The following MYO3B variants were observed in gnomAD, a reference collection of about 807,000 sequenced individuals.
MYO3B encodes myosin IIIB, also known as myosin-IIIb.
Under a neutral mutation model 174.6 loss-of-function variants are expected in MYO3B, and 156 were observed. The ratio of observed to expected loss-of-function variants is 0.89; its 90% CI spans 0.78 to 1.02. MYO3B has a LOEUF of 1.02. Ranked by LOEUF, MYO3B falls within the 50% of genes least tolerant of loss-of-function variation. The pLI is 0.00. For missense variants in MYO3B, 1,632 were observed against 1,639.4 expected, an observed-to-expected ratio of 1.00 and a Z score of 0.08; for synonymous variants, 563 against 569.1, an observed-to-expected ratio of 0.99 and a Z score of 0.15.
chr2:170,332,745 C>CT (rs2093920679), intron 7 of MYO3B, among the ~76,000 whole-genome samples: 1 of 152,064 alleles, frequency 6.6e-6, no homozygotes, highest in Non-Finnish European at 1.5e-5. Context: ...TGGTGGTGAC[C>CT]TGGGTGAGTG....
intron 32 of MYO3B, among the ~76,000 whole-genome samples, chr2:170,630,654 G>A (rs982096125): frequency 5.9e-5 from 9 of 152,162 alleles, no homozygotes; most frequent in Admixed American, 3.3e-4. Flanking sequence ...AGTAGAGGCC[G>A]ACTGACACCT....
At position 170,445,618 on chromosome 2, in the gene MYO3B, G is replaced by A. The variant is rs550600934; in HGVS notation, c.2730+1572G>A. On this transcript the variant is annotated intron_variant, in intron 23 of 34. Transcript: ENST00000408978. ...GGCCTCCCCAAGTGCTGGATTACAG[G>A]CGCTCGCCACCACACCTGGCCCATT... Among the ~76,000 whole-genome samples the A allele has an allele frequency of 2.6e-5, 4 of 151,504 alleles. No individual in the cohort carries two copies. The South Asian group carries it at 6.3e-4, about 24-fold the overall frequency.
chr2:170,251,003 A>C (rs941216960), intron 7 of MYO3B, among the ~76,000 whole-genome samples: 1 of 151,814 alleles, frequency 6.6e-6, no homozygotes, highest in African/African-American at 2.4e-5. Context: ...CCAAAAAGCA[A>C]CTTTTTGGGG....
At chr2:170,238,044 A>G (rs993658072) in intron 7 of MYO3B, among the ~76,000 whole-genome samples, 4 of 152,198 alleles carry the variant, frequency 2.6e-5, no homozygotes, top group African/African-American at 4.8e-5. Context: ...ATTTACGTAC[A>G]TTGTACAGCT....
At chr2:170,649,262 A>T (rs1344170696) in intron 32 of MYO3B, among the ~76,000 whole-genome samples, 16 of 38,076 alleles carry the variant, frequency 4.2e-4, no homozygotes, top group African/African-American at 2.2e-3. Context: ...AATAATATAT[A>T]ATATATTATA....
intron 30 of MYO3B, among the ~76,000 whole-genome samples, chr2:170,526,249 A>G (rs374113722): frequency 6.4e-4 from 98 of 152,324 alleles, no homozygotes; most frequent in African/African-American, 2.2e-3. Context: ...AGATAATCAA[A>G]GCAAAGGAAC....
chr2:170,462,808 A>C (rs1325610166), intron 23 of MYO3B, among the ~76,000 whole-genome samples: 1 of 152,252 alleles, frequency 6.6e-6, no homozygotes, highest in Non-Finnish European at 1.5e-5. Flanking sequence ...TAGTTGGGAT[A>C]GATATTGAGA....
intron 29 of MYO3B, 96 bp downstream of exon 29, chr2:170,515,118 C>T: frequency 1.0e-6 from 1 of 982,148 alleles, no homozygotes; most frequent in Non-Finnish European, 1.5e-6. Flanking sequence ...ATATAAGAAC[C>T]TTCTGTCCAC....
intron 14 of MYO3B, among the ~76,000 whole-genome samples, chr2:170,390,467 A>G (rs2105763548): frequency 6.6e-6 from 1 of 152,356 alleles, no homozygotes; most frequent in East Asian, 1.9e-4. Flanking sequence ...GTGAGTGAGA[A>G]ATGGCAAGTA....
rs536270970 is a variant in MYO3B, at chr2:170,550,976, G to A, written c.3733+6988G>A. On this transcript the variant is annotated intron_variant, in intron 32 of 34. Transcript: ENST00000408978. Reference sequence around the variant, plus strand: ...TGCGGTGGCATGATCTCACCTCACTGCAACCTCTGCCTCCTGGATTCAAGC... The same window carrying A: ...TGCGGTGGCATGATCTCACCTCACTACAACCTCTGCCTCCTGGATTCAAGC... Among the ~76,000 whole-genome samples the A allele has an allele frequency of 2.0e-5, 3 of 152,252 alleles. No homozygotes were observed. In the South Asian group the frequency reaches 6.2e-4, roughly 32 times the overall value.
intron 32 of MYO3B, chr2:170,601,575 T>A (rs1694511177): frequency 2.9e-6 from 3 of 1,044,674 alleles, no homozygotes; most frequent in Non-Finnish European, 4.4e-6. Context: ...GTTAAATGCT[T>A]TATAGACAAG....
intron 8 of MYO3B, among the ~76,000 whole-genome samples, chr2:170,342,988 T>A (rs984320954): frequency 7.2e-5 from 11 of 151,940 alleles, no homozygotes; most frequent in African/African-American, 2.7e-4. Context: ...ACTGTCTCTT[T>A]ATTTAGACTT....
intron 7 of MYO3B, among the ~76,000 whole-genome samples, chr2:170,261,212 C>T (rs543800788): frequency 7.9e-5 from 12 of 151,884 alleles, no homozygotes; most frequent in Non-Finnish European, 1.0e-4. Flanking sequence ...TTAGTAGAGA[C>T]GGGGTTTCTC....
chr2:170,626,752 G>A lies in MYO3B; in HGVS notation c.3734-24876G>A, dbSNP rs182085125. ...TTGTAGGGCAGGCCTGGTGGTGACA[G>A]AATCTCTCAGCATTTGCTTGTCTGT... On this transcript the variant is annotated intron_variant, in intron 32 of 34. Coordinates refer to ENST00000408978, the MANE Select transcript of MYO3B (RefSeq NM_138995.5). Among the ~76,000 whole-genome samples, 756 of 152,244 alleles carry A rather than the reference G, an allele frequency of 5.0e-3. 11 individuals carry two copies. The highest frequency in any genetic ancestry group is 0.017 in the African/African-American group (721 of 41,544).
At chr2:170,649,310 TTATA>T (rs1698781819) in intron 32 of MYO3B, among the ~76,000 whole-genome samples, 1 of 90,546 alleles carries the variant, frequency 1.1e-5, no homozygotes, top group Non-Finnish European at 2.0e-5. Context: ...ATAATATATA[TTATA>T]TATAAAATAA....
intron 25 of MYO3B, among the ~76,000 whole-genome samples, chr2:170,481,686 TGTGA>T (rs1258953056): frequency 6.6e-6 from 1 of 152,136 alleles, no homozygotes; most frequent in East Asian, 1.9e-4. Flanking sequence ...GCTTCAACAT[TGTGA>T]GTAAAATATA....
At position 170,210,349 on chromosome 2, in the gene MYO3B, C is replaced by T. The variant is rs556520255; in HGVS notation, c.322-4030C>T. Among the ~76,000 whole-genome samples the T allele has an allele frequency of 3.3e-5, 5 of 152,280 alleles. No homozygotes were observed. In the South Asian group the frequency reaches 1.0e-3, roughly 32 times the overall value. On this transcript the variant is annotated intron_variant, in intron 3 of 34. Transcript: ENST00000408978. ...TTCAAAACAGTCCTTTAAACCTAGGCAAGAATTTACATTTCCATGCCTTCT... is the reference window on the plus strand; with the variant it reads ...TTCAAAACAGTCCTTTAAACCTAGGTAAGAATTTACATTTCCATGCCTTCT...
intron 14 of MYO3B, among the ~76,000 whole-genome samples, chr2:170,387,792 G>A (rs1439095534): frequency 6.6e-6 from 1 of 152,118 alleles, no homozygotes; most frequent in Non-Finnish European, 1.5e-5. Context: ...CTCACTGTGT[G>A]ACATTGGGCA....
chr2:170,214,415 G>C lies in MYO3B; in HGVS notation c.358G>C (p.Gly120Arg). The part of the protein sequence containing the change: ...NGGSVTELVK[G>R]LLRCGQRLDE... Reference sequence around the variant, plus strand: ...GGGCTCAGTCACTGAGCTTGTCAAAGGTCTACTCAGATGTGGCCAGCGGTT... The same window carrying C: ...GGGCTCAGTCACTGAGCTTGTCAAACGTCTACTCAGATGTGGCCAGCGGTT... Residue 120 changes from glycine (G) to arginine (R), a missense_variant, in exon 4 of 35, where the codon GGT becomes CGT. By Grantham distance (125) the Gly-to-Arg change is moderately radical (BLOSUM62 -2). Transcript: ENST00000408978. 2 of 1,614,146 alleles carry C rather than the reference G, an allele frequency of 1.2e-6. No individual in the cohort carries two copies. The highest frequency in any genetic ancestry group is 1.7e-6 in the Non-Finnish European group (2 of 1,180,014).
Sources: allele counts gnomAD v4.1 joint callset (sites outside exome capture counted in the v4.1 genomes callset), GRCh38; gene constraint gnomAD v4.1.1; transcripts MANE v1.5; gene names NCBI Gene and HGNC (gene_info 2026-07-23, HGNC 2026-07-21).